The following MYO6 variants were observed in gnomAD, a reference collection of about 807,000 sequenced individuals.
MYO6 encodes the protein myosin VI.
Under a neutral mutation model 178.7 loss-of-function variants are expected in MYO6, and 74 were observed. The ratio of observed to expected loss-of-function variants is 0.41; its 90% CI spans 0.34 to 0.50. MYO6 has a LOEUF of 0.50. Ranked by LOEUF, MYO6 falls within the 20% of genes least tolerant of loss-of-function variation. The pLI is 0.09. For missense variants in MYO6, 1,330 were observed against 1,547.4 expected, an observed-to-expected ratio of 0.86 and a Z score of 2.36; for synonymous variants, 477 against 504.6, an observed-to-expected ratio of 0.95 and a Z score of 0.73.
At chr6:75,884,176 A>G (rs1017455215) in intron 23 of MYO6, among the ~76,000 whole-genome samples, 1 of 152,166 alleles carries the variant, frequency 6.6e-6, no homozygotes, top group African/African-American at 2.4e-5. Context: ...ATCTTTGCAG[A>G]ATGTTAATAG....
intron 27 of MYO6, among the ~76,000 whole-genome samples, chr6:75,892,129 T>C (rs1294042319): frequency 2.0e-5 from 3 of 152,222 alleles, no homozygotes. Flanking sequence ...AATAAATTGC[T>C]CATGTATTTG....
At chr6:75,776,653 A>AGTGTGTGTGTGTGTGT (rs35830759) in intron 1 of MYO6, among the ~76,000 whole-genome samples, 22 of 144,760 alleles carry the variant, frequency 1.5e-4, no homozygotes, top group African/African-American at 4.8e-4. Context: ...AGAAACGTGC[A>AGTGTGTGTGTGTGTGT]GTGTGTGTGT....
At chr6:75,871,608 A>G (rs1777159578) in intron 19 of MYO6, among the ~76,000 whole-genome samples, 1 of 152,116 alleles carries the variant, frequency 6.6e-6, no homozygotes, top group Non-Finnish European at 1.5e-5. Context: ...TTATTATATC[A>G]GTATTATTGT....
At chr6:75,888,385 CGCAGGGAT>C (rs1287118213) in intron 25 of MYO6, among the ~76,000 whole-genome samples, 1 of 152,018 alleles carries the variant, frequency 6.6e-6, no homozygotes, top group Non-Finnish European at 1.5e-5. Flanking sequence ...GAGGCCCAGG[CGCAGGGAT>C]CACCTGAGCT....
intron 1 of MYO6, among the ~76,000 whole-genome samples, chr6:75,797,658 C>T (rs1053682258): frequency 4.6e-5 from 7 of 152,056 alleles, no homozygotes; most frequent in Non-Finnish European, 7.4e-5. Context: ...CTTAGATACC[C>T]GAGTAGCTGG....
At chr6:75,785,580 G>T (rs1175181030) in intron 1 of MYO6, among the ~76,000 whole-genome samples, 1 of 150,188 alleles carries the variant, frequency 6.7e-6, no homozygotes. Flanking sequence ...TCAAGCGATC[G>T]TCCCGTGGAG....
intron 1 of MYO6, among the ~76,000 whole-genome samples, chr6:75,803,128 A>G (rs1046166031): frequency 1.1e-4 from 17 of 152,194 alleles, no homozygotes; most frequent in Admixed American, 5.9e-4. Flanking sequence ...ATAGTTTATG[A>G]TTTCTTCTCT....
At chr6:75,910,445 A>C (rs1245335389) in intron 32 of MYO6, among the ~76,000 whole-genome samples, 3 of 152,140 alleles carry the variant, frequency 2.0e-5, no homozygotes, top group Non-Finnish European at 4.4e-5. Context: ...CTTTACCCAA[A>C]AAAGTTGCAA....
intron 26 of MYO6, among the ~76,000 whole-genome samples, chr6:75,890,877 T>C (rs1182956610): frequency 6.6e-6 from 1 of 152,216 alleles, no homozygotes; most frequent in East Asian, 1.9e-4. Flanking sequence ...TTAAAACTGA[T>C]AACATTTTGA....
intron 30 of MYO6, among the ~76,000 whole-genome samples, chr6:75,903,602 A>G (rs1469107310): frequency 1.3e-5 from 2 of 151,538 alleles, no homozygotes; most frequent in East Asian, 3.9e-4. Context: ...CCATCCTTTT[A>G]TTTTGAGCCT....
intron 5 of MYO6, among the ~76,000 whole-genome samples, chr6:75,831,412 C>A (rs1343671147): frequency 1.3e-5 from 2 of 152,192 alleles, no homozygotes; most frequent in Non-Finnish European, 2.9e-5. Flanking sequence ...AGGGCAGCAG[C>A]AGATTTACTT....
chr6:75,790,058 T>A (rs1260217580), intron 1 of MYO6, among the ~76,000 whole-genome samples: 12 of 152,214 alleles, frequency 7.9e-5, no homozygotes, highest in Admixed American at 3.9e-4. Flanking sequence ...TTCCTGCAAA[T>A]GACAGGATTT....
chr6:75,901,586 C>T (rs1779780770), intron 30 of MYO6, among the ~76,000 whole-genome samples: 1 of 152,132 alleles, frequency 6.6e-6, no homozygotes, highest in African/African-American at 2.4e-5. Context: ...TATCCTGAGA[C>T]TTTGCTGAAG....
chr6:75,840,536 A>C (rs1774116595), intron 7 of MYO6, 49 bp from the exon 8 acceptor site: 1 of 1,227,308 alleles, frequency 8.1e-7, no homozygotes, highest in Admixed American at 1.7e-5. Context: ...CATATTTTGT[A>C]ATGTTCCGTC....
At chr6:75,807,920 C>T (rs1178989434) in intron 1 of MYO6, among the ~76,000 whole-genome samples, 1 of 151,446 alleles carries the variant, frequency 6.6e-6, no homozygotes, top group Non-Finnish European at 1.5e-5. Flanking sequence ...TAGGTTTTAG[C>T]CTTATTTTAC....
At chr6:75,795,496 ACC>A (rs1235349110) in intron 1 of MYO6, among the ~76,000 whole-genome samples, 2 of 152,132 alleles carry the variant, frequency 1.3e-5, no homozygotes, top group Non-Finnish European at 2.9e-5. Flanking sequence ...CCTTGACAAA[ACC>A]ATTATGGTTT....
chr6:75,789,951 T>A (rs899023733), intron 1 of MYO6, among the ~76,000 whole-genome samples: 1 of 152,184 alleles, frequency 6.6e-6, no homozygotes, highest in African/African-American at 2.4e-5. Context: ...ATGAAATCAA[T>A]TTTTTTAGAT....
In MYO6 at chr6:75,917,928, G is replaced by A. The variant is rs1455437266; in HGVS notation, c.*2916G>A. On this transcript the variant is annotated 3_prime_UTR_variant, in exon 35 of 35. Coordinates refer to ENST00000369977, the MANE Select transcript of MYO6 (RefSeq NM_004999.4). The stretch of plus-strand genomic sequence containing the variant: ...TAGCTTAAGAGTACTTGGATCAGTA[G>A]AATAAATATTTATTGAATCAATCAG... 1 of 152,370 alleles carries A rather than the reference G, an allele frequency of 6.6e-6. No homozygotes were observed. The highest frequency in any genetic ancestry group is 1.9e-4 in the East Asian group (1 of 5,178). The allele number at this position is 152,370 out of a possible 1,614,324, so 9.4% of individuals were successfully genotyped here.
At chr6:75,785,453 GT>G (rs1319735772) in intron 1 of MYO6, among the ~76,000 whole-genome samples, 1 of 144,022 alleles carries the variant, frequency 6.9e-6, no homozygotes, top group African/African-American at 2.6e-5. Context: ...GTTTTGTTTT[GT>G]TTTTTGGTCT....
Sources: gnomAD v4.1 joint callset for allele counts (sites outside exome capture counted in the v4.1 genomes callset) on GRCh38, gnomAD v4.1.1 for gene constraint, MANE v1.5 for transcripts, NCBI Gene and HGNC (gene_info 2026-07-23, HGNC 2026-07-21) for gene names.